The following ZNF875 variants were observed in gnomAD, a reference collection of about 807,000 sequenced individuals.
ZNF875 encodes the protein zinc finger protein 875, also known as HKR1, GLI-Kruppel zinc finger family member.
Under a neutral mutation model 11.2 loss-of-function variants are expected in ZNF875, and 14 were observed. That is an observed-to-expected ratio of 1.26 (90% CI 0.83 to 1.96). The LOEUF is 1.96. ZNF875 is among the 30% of genes most tolerant of loss of function. The pLI, the probability that ZNF875 is intolerant of heterozygous loss-of-function variation, is 0.00. For missense variants in ZNF875, 752 were observed against 760.4 expected, an observed-to-expected ratio of 0.99 and a Z score of 0.13; for synonymous variants, 301 against 281.1, an observed-to-expected ratio of 1.07 and a Z score of -0.71.
chr19:37,348,935 A>T (rs2037339682), intron 4 of ZNF875, among the ~76,000 whole-genome samples: 1 of 152,236 alleles, frequency 6.6e-6, no homozygotes, highest in South Asian at 2.1e-4. Context: ...TGGCTTAAAC[A>T]ACAGAAGTTT....
rs1004763037 is a variant in ZNF875 at position 37,334,787 on chromosome 19, G to A, written c.-57+5G>A. On this transcript the variant is annotated splice_donor_5th_base_variant and intron_variant, in intron 1 of 4. Coordinates refer to ENST00000392153, the MANE Select transcript of ZNF875 (RefSeq NM_001353803.2). ...CGCAGCGTGCACCCGCGTTCCGTGA[G>A]TGCCCTATAGGCAGTCAGCATGCCC... 2.2e-6 allele frequency: 1 copy of A among 456,762 alleles called. No homozygotes were observed. The highest frequency in any genetic ancestry group is 2.0e-5 in the African/African-American group (1 of 50,116). The allele number at this position is 456,762 out of a possible 1,614,324, so 28.3% of individuals were successfully genotyped here. A position where few individuals can be genotyped will look rare whatever the true frequency, so the allele number is the denominator to read the frequency against.
intron 4 of ZNF875, 184 bp from the exon 5 acceptor site, chr19:37,361,923 AAC>A (rs201368381): frequency 4.2e-6 from 2 of 481,922 alleles, no homozygotes; most frequent in African/African-American, 6.0e-5. Context: ...TAAAAAAAAA[AAC>A]AAAAAAACAA....
At chr19:37,318,773 T>G (rs1360261217) in intron 1 of ZNF875, among the ~76,000 whole-genome samples, 5 of 152,020 alleles carry the variant, frequency 3.3e-5, no homozygotes, top group African/African-American at 1.2e-4. Context: ...CTCCCGCCTC[T>G]GCCTCCCAAA....
chr19:37,335,833 G>A (rs553921004), intron 2 of ZNF875, among the ~76,000 whole-genome samples: 61 of 152,256 alleles, frequency 4.0e-4, no homozygotes, highest in Non-Finnish European at 5.3e-4. Context: ...AACCTCCAGT[G>A]GAATGCTGAG....
At chr19:37,343,885 T>C (rs1053101893) in intron 2 of ZNF875, among the ~76,000 whole-genome samples, 1 of 152,184 alleles carries the variant, frequency 6.6e-6, no homozygotes, top group African/African-American at 2.4e-5. Flanking sequence ...TAATTTAGGC[T>C]GTTCTAAACA....
chr19:37,334,547 C>G (rs913501542), upstream of ZNF875: 6 of 369,720 alleles, frequency 1.6e-5, no homozygotes, highest in Admixed American at 6.8e-5. Flanking sequence ...GCAAAGCCGA[C>G]TTCTCCGCCT....
At chr19:37,354,348 C>T (rs2038528156) in intron 4 of ZNF875, among the ~76,000 whole-genome samples, 1 of 145,276 alleles carries the variant, frequency 6.9e-6, no homozygotes, top group African/African-American at 2.6e-5. Context: ...ATTATTACCC[C>T]TTTCTGTTGC....
intron 4 of ZNF875, among the ~76,000 whole-genome samples, chr19:37,350,362 A>C (rs2037641076): frequency 6.6e-6 from 1 of 151,990 alleles, no homozygotes; most frequent in Non-Finnish European, 1.5e-5. Context: ...AAGTGCTGGG[A>C]TTACAGGCGT....
At chr19:37,316,193 T>A (rs1329061446), upstream of ZNF875, among the ~76,000 whole-genome samples, 1 of 152,230 alleles carries the variant, frequency 6.6e-6, no homozygotes, top group Non-Finnish European at 1.5e-5. Context: ...ACAAGTCAAT[T>A]AAATTACAGA....
At chr19:37,317,077 C>A (rs2030258584), upstream of ZNF875, 1 of 151,286 alleles carries the variant, frequency 6.6e-6, no homozygotes. Context: ...CGGGTTCAAA[C>A]GATTCTCCTG....
chr19:37,336,179 G>GGGCCC (rs2034357505), intron 2 of ZNF875, among the ~76,000 whole-genome samples: 1 of 152,108 alleles, frequency 6.6e-6, no homozygotes, highest in African/African-American at 2.4e-5. Flanking sequence ...GGTTTGTTAA[G>GGGCCC]TTGGAGATTG....
chr19:37,347,933 G>C, intron 4 of ZNF875, 61 bp downstream of exon 4: 1 of 961,402 alleles, frequency 1.0e-6, no homozygotes, highest in East Asian at 2.4e-5. Flanking sequence ...GAAGGAGGAG[G>C]CATCTCTCAG....
intron 4 of ZNF875, among the ~76,000 whole-genome samples, chr19:37,328,230 ACT>A (rs923187856): frequency 6.6e-6 from 1 of 151,922 alleles, no homozygotes; most frequent in African/African-American, 2.4e-5. Context: ...CAAAAGCAAA[ACT>A]CTGTCTCAAA....
Position 37,363,835 on chromosome 19 carries a change from A to T in ZNF875, c.*60A>T. The stretch of plus-strand genomic sequence containing the variant: ...TTAGCCAGGAGTCATACTTCATCAG[A>T]CACCAGAGGACACACACAGTGCTGT... On this transcript the variant is annotated 3_prime_UTR_variant, in exon 5 of 5. Transcript: ENST00000392153. 2 of 1,368,808 alleles carry T rather than the reference A, an allele frequency of 1.5e-6. No individual in the cohort carries two copies. Among genetic ancestry groups the T allele is most frequent in the South Asian group, 1.2e-5 (1 of 81,578 alleles). The allele number at this position is 1,368,808 out of a possible 1,614,324, so 84.8% of individuals were successfully genotyped here.
intron 2 of ZNF875, among the ~76,000 whole-genome samples, chr19:37,340,212 CCT>C (rs1387790331): frequency 3.9e-5 from 6 of 152,046 alleles, no homozygotes; most frequent in African/African-American, 1.5e-4. Context: ...GAACTCCTGA[CCT>C]CTGGTGAACT....
intron 1 of ZNF875, among the ~76,000 whole-genome samples, chr19:37,320,833 G>A (rs1015092700): frequency 3.3e-5 from 5 of 152,212 alleles, no homozygotes; most frequent in African/African-American, 1.2e-4. Flanking sequence ...TGTTTGTGTA[G>A]AAAGAAGTAG....
chr19:37,316,142 T>G (rs2030174550), upstream of ZNF875, among the ~76,000 whole-genome samples: 1 of 152,164 alleles, frequency 6.6e-6, no homozygotes, highest in Admixed American at 6.5e-5. Flanking sequence ...TAAAGCCCAC[T>G]ACAGAACACT....
chr19:37,357,471 G>A (rs1213966461), intron 4 of ZNF875, among the ~76,000 whole-genome samples: 1 of 152,148 alleles, frequency 6.6e-6, no homozygotes, highest in Non-Finnish European at 1.5e-5. Context: ...TATGAGCATA[G>A]AATGTTTTTC....
chr19:37,339,653 C>G (rs1178295083), intron 2 of ZNF875, among the ~76,000 whole-genome samples: 3 of 150,906 alleles, frequency 2.0e-5, no homozygotes, highest in African/African-American at 7.3e-5. Context: ...CAACCTCTGC[C>G]TCCCAGGTTC....
Sources: gnomAD v4.1 joint callset for allele counts (sites outside exome capture counted in the v4.1 genomes callset) on GRCh38, gnomAD v4.1.1 for gene constraint, MANE v1.5 for transcripts, NCBI Gene and HGNC (gene_info 2026-07-23, HGNC 2026-07-21) for gene names.